Variants in RBFOX1 observed in about 807,000 individuals in gnomAD.
The protein encoded by RBFOX1 is RNA binding protein fox-1 homolog 1.
RBFOX1 carries 8 observed loss-of-function variants against 57.7 expected under a neutral mutation model. The observed-to-expected ratio is 0.14, with a 90% CI of 0.08 to 0.25. The LOEUF (loss-of-function observed/expected upper bound fraction) is 0.25, where lower values mean the gene tolerates loss of function less well. Among genes scored for constraint, RBFOX1 ranks in the 10% least tolerant of loss-of-function variants. The pLI is 1.00. For missense variants in RBFOX1, 611 were observed against 548.5 expected (o/e 1.11, Z -1.14); for synonymous variants, 326 against 222.4 (o/e 1.47, Z -4.15).
intron 1 of RBFOX1, among the ~76,000 whole-genome samples, chr16:6,046,966 G>T (rs1479133114): frequency 6.6e-6 from 1 of 152,194 alleles, no homozygotes; most frequent in African/African-American, 2.4e-5. Flanking sequence ...TGTTGGGGAA[G>T]AAAGACATGT....
intron 4 of RBFOX1, among the ~76,000 whole-genome samples, chr16:7,330,325 T>G (rs1255495007): frequency 6.6e-6 from 1 of 151,926 alleles, no homozygotes; most frequent in Non-Finnish European, 1.5e-5. Context: ...ATTGTTATAC[T>G]CTATTGTTTA....
At chr16:5,632,116 A>G (rs368920809) in intron 3 of RBFOX1, among the ~76,000 whole-genome samples, 270 of 152,354 alleles carry the variant, frequency 1.8e-3, no homozygotes, top group African/African-American at 6.3e-3. Flanking sequence ...TGCCCAGAAG[A>G]GGCCTCTTCA....
chr16:5,772,321 G>A (rs1339658094), intron 3 of RBFOX1, among the ~76,000 whole-genome samples: 5 of 151,836 alleles, frequency 3.3e-5, no homozygotes, highest in African/African-American at 9.7e-5. Flanking sequence ...GAGTCTGTAC[G>A]CCGCCTCTCC....
At chr16:6,278,449 A>C (rs1461715365) in intron 1 of RBFOX1, among the ~76,000 whole-genome samples, 1 of 148,214 alleles carries the variant, frequency 6.7e-6, no homozygotes, top group South Asian at 2.2e-4. Flanking sequence ...ACCTAATCGC[A>C]TGAAGCATAA....
At chr16:7,687,194 C>G (rs2076249879) in intron 14 of RBFOX1, among the ~76,000 whole-genome samples, 1 of 151,870 alleles carries the variant, frequency 6.6e-6, no homozygotes, top group Admixed American at 6.6e-5. Flanking sequence ...GTACACGTGA[C>G]AACACTAAAC....
chr16:7,189,106 C>G (rs1276014538), intron 4 of RBFOX1, among the ~76,000 whole-genome samples: 1 of 151,926 alleles, frequency 6.6e-6, no homozygotes, highest in African/African-American at 2.4e-5. Context: ...TACACTGATT[C>G]AGGTAATAAG....
chr16:7,519,725 G>C (rs2077114951), intron 5 of RBFOX1: 1 of 984,844 alleles, frequency 1.0e-6, no homozygotes, highest in South Asian at 4.7e-5. Flanking sequence ...AGGCAATTCT[G>C]CCTCTTCGTC....
At chr16:7,139,176 C>CTCTCTGTGTGTGTGTGTG (rs372381673) in intron 4 of RBFOX1, among the ~76,000 whole-genome samples, 12 of 145,792 alleles carry the variant, frequency 8.2e-5, no homozygotes, top group Non-Finnish European at 1.5e-4. Context: ...CAATCTCTCT[C>CTCTCTGTGTGTGTGTGTG]TGTGTGTGTG....
intron 3 of RBFOX1, among the ~76,000 whole-genome samples, chr16:6,690,809 T>A (rs1228896041): frequency 1.3e-5 from 2 of 151,060 alleles, no homozygotes; most frequent in Non-Finnish European, 2.9e-5. Context: ...AAAGGTAGTG[T>A]CCCCAGGCCA....
intron 4 of RBFOX1, among the ~76,000 whole-genome samples, chr16:5,893,498 G>A (rs867083118): frequency 2.6e-5 from 4 of 152,108 alleles, no homozygotes; most frequent in Admixed American, 1.3e-4. Context: ...GTTACGCATC[G>A]CATACCTGTG....
At chr16:7,427,447 C>T (rs894647116) in intron 4 of RBFOX1, among the ~76,000 whole-genome samples, 26 of 152,076 alleles carry the variant, frequency 1.7e-4, no homozygotes, top group African/African-American at 6.3e-4. Flanking sequence ...GCGAAACGTA[C>T]CAAATGTACC....
At chr16:5,636,999 C>G (rs920497090) in intron 3 of RBFOX1, among the ~76,000 whole-genome samples, 2 of 152,288 alleles carry the variant, frequency 1.3e-5, no homozygotes, top group South Asian at 2.1e-4. Flanking sequence ...TGTGGGAGTT[C>G]GGGCCCCTCA....
chr16:5,403,782 G>C (rs1414992889), intron 1 of RBFOX1, among the ~76,000 whole-genome samples: 1 of 152,084 alleles, frequency 6.6e-6, no homozygotes, highest in Admixed American at 6.6e-5. Flanking sequence ...GCTAAAGAAA[G>C]GAAAAATCCC....
At chr16:5,976,777 G>A (rs1400785503) in intron 4 of RBFOX1, among the ~76,000 whole-genome samples, 1 of 152,300 alleles carries the variant, frequency 6.6e-6, no homozygotes, top group African/African-American at 2.4e-5. Flanking sequence ...GCTTAGCCAG[G>A]AGAGTTGCTT....
chr16:6,562,460 C>T (rs1361420462), intron 2 of RBFOX1, among the ~76,000 whole-genome samples: 1 of 152,202 alleles, frequency 6.6e-6, no homozygotes, highest in South Asian at 2.1e-4. Flanking sequence ...GGAAATTCAG[C>T]TGTGCTGGCA....
chr16:7,388,480 T>C (rs1160385444), intron 4 of RBFOX1, among the ~76,000 whole-genome samples: 2 of 152,104 alleles, frequency 1.3e-5, no homozygotes, highest in Non-Finnish European at 2.9e-5. Flanking sequence ...TCCTCCTTTT[T>C]ATCATCTCTC....
chr16:6,822,243 G>C (rs2091433084), intron 3 of RBFOX1, among the ~76,000 whole-genome samples: 5 of 152,116 alleles, frequency 3.3e-5, no homozygotes, highest in African/African-American at 9.7e-5. Flanking sequence ...GATTTCCCTT[G>C]AGTATCAATG....
At chr16:7,162,517 G>A (rs554670262) in intron 4 of RBFOX1, among the ~76,000 whole-genome samples, 9 of 150,654 alleles carry the variant, frequency 6.0e-5, no homozygotes, top group Non-Finnish European at 1.2e-4. Context: ...ATCACCTGAG[G>A]TCAGGAGTTT....
At position 7,582,037 on chromosome 16, in the gene RBFOX1, C is replaced by G. The variant is rs59071643; in HGVS notation, c.414+2117C>G. On this transcript the variant is annotated intron_variant, in intron 6 of 15. Transcript: ENST00000550418. ...TGCACCCATCCAGCACCCCCCCCCC[C>G]CCTTTTTTTTGTGACAAAGTCTTAG... Among the ~76,000 whole-genome samples the G allele has an allele frequency of 3.7e-3, 562 of 151,562 alleles. 2 individuals are homozygous for G. Among genetic ancestry groups the G allele is most frequent in the African/African-American group, 0.013 (525 of 41,114 alleles).
Sources: gnomAD v4.1 joint callset for allele counts (sites outside exome capture counted in the v4.1 genomes callset) on GRCh38, gnomAD v4.1.1 for gene constraint, MANE v1.5 for transcripts, NCBI Gene and HGNC (gene_info 2026-07-23, HGNC 2026-07-21) for gene names.